CEP192: variants seen among roughly 807,000 people sequenced by gnomAD.
CEP192 encodes the protein centrosomal protein 192.
A neutral mutation model predicts 271.8 loss-of-function variants in CEP192; 151 were observed. The observed-to-expected ratio is 0.56, with a 90% CI of 0.49 to 0.64. The LOEUF (loss-of-function observed/expected upper bound fraction) is 0.64. Ranked by LOEUF, CEP192 falls within the 30% of genes least tolerant of loss-of-function variation. The pLI, the probability that CEP192 is intolerant of heterozygous loss-of-function variation, is 0.00. For missense variants in CEP192, 2,910 were observed against 3,020.5 expected, an observed-to-expected ratio of 0.96 and a Z score of 0.86; for synonymous variants, 995 against 1,076.5, an observed-to-expected ratio of 0.92 and a Z score of 1.48.
chr18:13,003,799 C>CA (rs112435017), intron 3 of CEP192, among the ~76,000 whole-genome samples: 1 of 152,034 alleles, frequency 6.6e-6, no homozygotes, highest in African/African-American at 2.4e-5. Flanking sequence ...GACCCTATCT[C>CA]AAAAAAAGGC....
chr18:13,048,856 T>C lies in CEP192; in HGVS notation c.2068-3T>C, dbSNP rs1420830679. On this transcript the variant is annotated splice_region_variant and splice_polypyrimidine_tract_variant and intron_variant, in intron 15 of 44. Transcript: ENST00000506447. The stretch of plus-strand genomic sequence containing the variant: ...ATCTGATGTTTAATTTTCTCACTTC[T>C]AGGACACTTTCTTCATGAGCAACAA... 6.3e-7 allele frequency: 1 copy of C among 1,583,118 alleles called. No individual in the cohort carries two copies. The highest frequency in any genetic ancestry group is 8.6e-7 in the Non-Finnish European group (1 of 1,160,212).
intron 5 of CEP192, among the ~76,000 whole-genome samples, chr18:13,013,834 G>T (rs548006751): frequency 4.6e-5 from 7 of 152,280 alleles, no homozygotes; most frequent in African/African-American, 1.7e-4. Context: ...TAAAAAGGAG[G>T]TACACCTTTT....
At position 13,095,912 on chromosome 18, in the gene CEP192, C is replaced by T. The variant is rs548478161; in HGVS notation, c.6433+231C>T. Among the ~76,000 whole-genome samples, 4 of 152,286 alleles carry T rather than the reference C, an allele frequency of 2.6e-5. No individual in the cohort carries two copies. The South Asian group carries it at 8.3e-4, about 32-fold the overall frequency. ...TCCCAGTTCTCCAATGGCAGAGCCA[C>T]ACCTCTGCCCACAGAGATACAGCAT... is the stretch of plus-strand genomic sequence containing the variant. On this transcript the variant is annotated intron_variant, in intron 35 of 44. Coordinates refer to ENST00000506447, the MANE Select transcript of CEP192 (RefSeq NM_032142.4).
rs933037972 is a variant in CEP192, at chr18:13,068,890, G to C, written c.4861G>C (p.Asp1621His). ...AGCAGAAGAATTCTCGGCAAAAGTT[G>C]ATATCGAAGTTGACAGCCCAAACCC... ...DSAEEFSAKV[D>H]IEVDSPNPTP... Residue 1621 changes from aspartate (D) to histidine (H), a missense_variant, in exon 25 of 45, where the codon GAT (aspartate) becomes CAT (histidine). Asp to His is a moderately conservative substitution (Grantham distance 81, BLOSUM62 -1). Coordinates refer to ENST00000506447, the MANE Select transcript of CEP192 (RefSeq NM_032142.4). 26 of 1,614,044 alleles carry C rather than the reference G, an allele frequency of 1.6e-5. No homozygotes were observed. The highest frequency in any genetic ancestry group is 2.1e-5 in the Non-Finnish European group (25 of 1,180,026).
Position 13,068,861 on chromosome 18 carries a change from A to G in CEP192, c.4832A>G (p.Asp1611Gly), listed in dbSNP as rs867417158. 5.0e-6 allele frequency: 8 copies of G among 1,614,162 alleles called. No individual in the cohort carries two copies. The highest frequency in any genetic ancestry group is 5.9e-6 in the Non-Finnish European group (7 of 1,180,014). ...KKQISSSDIL[D>G]SAEEFSAKVD... is the part of the protein sequence containing the mutation. ...ATGAACTTTTTTTTAGATATTCTGGACTCAGCAGAAGAATTCTCGGCAAAA... is the reference window on the plus strand; with the variant it reads ...ATGAACTTTTTTTTAGATATTCTGGGCTCAGCAGAAGAATTCTCGGCAAAA... The change falls in exon 25 of 45, where the codon GAC becomes GGC. Residue 1611 changes from aspartate to glycine, a missense_variant. Transcript: ENST00000506447.
chr18:13,012,081 T>C (rs1044637931), intron 4 of CEP192, among the ~76,000 whole-genome samples: 19 of 152,158 alleles, frequency 1.2e-4, no homozygotes, highest in African/African-American at 4.3e-4. Flanking sequence ...TGTTTATCCA[T>C]AGGGAAATCT....
intron 33 of CEP192, among the ~76,000 whole-genome samples, chr18:13,091,383 T>C (rs1291935426): frequency 1.3e-5 from 2 of 150,400 alleles, no homozygotes; most frequent in Admixed American, 6.6e-5. Flanking sequence ...CAAGGAATAC[T>C]ATATTCCTTG....
chr18:13,058,779 G>C (rs2037251980), intron 20 of CEP192: 1 of 365,126 alleles, frequency 2.7e-6, no homozygotes, highest in Non-Finnish European at 5.2e-6. Context: ...GACTTACAGG[G>C]CTGTGAAAGA....
intron 44 of CEP192, among the ~76,000 whole-genome samples, chr18:13,122,370 C>T (rs374919159): frequency 2.2e-4 from 33 of 152,012 alleles, no homozygotes; most frequent in Middle Eastern, 6.8e-3. Context: ...TGCAGTGAGC[C>T]GAGATCGTGC....
At chr18:13,124,246 C>T (rs1200816045) in intron 44 of CEP192, among the ~76,000 whole-genome samples, 1 of 152,144 alleles carries the variant, frequency 6.6e-6, no homozygotes, top group Admixed American at 6.5e-5. Flanking sequence ...TTAATCTTTC[C>T]AGTGCAATAT....
At chr18:13,082,781 A>C (rs534733538) in intron 30 of CEP192, among the ~76,000 whole-genome samples, 3 of 152,234 alleles carry the variant, frequency 2.0e-5, no homozygotes, top group African/African-American at 7.2e-5. Context: ...TTCCATGTTT[A>C]GTGCTTCCTT....
intron 17 of CEP192, among the ~76,000 whole-genome samples, chr18:13,051,680 A>T (rs1396385559): frequency 6.6e-6 from 1 of 152,032 alleles, no homozygotes; most frequent in Non-Finnish European, 1.5e-5. Context: ...AGTAGCTGGG[A>T]CTACAGGTGC....
intron 15 of CEP192, among the ~76,000 whole-genome samples, chr18:13,047,952 A>G (rs1162332902): frequency 3.3e-5 from 5 of 152,204 alleles, no homozygotes; most frequent in South Asian, 2.1e-4. Context: ...AAAACAAATG[A>G]TAATCAATTT....
chr18:13,079,664 G>A (rs968974940), intron 30 of CEP192, among the ~76,000 whole-genome samples: 4 of 152,034 alleles, frequency 2.6e-5, no homozygotes, highest in African/African-American at 9.7e-5. Context: ...GTCTATTTTG[G>A]CTTTTGTTGC....
At chr18:13,042,144 A>G in intron 14 of CEP192, 60 bp from the exon 15 acceptor site, 1 of 1,443,366 alleles carries the variant, frequency 6.9e-7, no homozygotes. Context: ...TCCTTATTCC[A>G]CAGACTGTGT....
intron 15 of CEP192, among the ~76,000 whole-genome samples, chr18:13,046,786 A>G (rs907862075): frequency 6.7e-6 from 1 of 148,212 alleles, no homozygotes; most frequent in African/African-American, 2.5e-5. Flanking sequence ...AGTATTTCTG[A>G]TCTTTCATCT....
intron 11 of CEP192, among the ~76,000 whole-genome samples, chr18:13,036,145 C>CAAA (rs55837148): frequency 3.0e-5 from 4 of 133,084 alleles, no homozygotes; most frequent in African/African-American, 1.1e-4. Flanking sequence ...GACCTTGTCT[C>CAAA]AAAAAAAAAA....
chr18:13,111,457 A>G (rs1347779235), intron 40 of CEP192, among the ~76,000 whole-genome samples: 1 of 152,150 alleles, frequency 6.6e-6, no homozygotes, highest in Non-Finnish European at 1.5e-5. Flanking sequence ...CATCACACTT[A>G]CCTAGTACCA....
intron 21 of CEP192, among the ~76,000 whole-genome samples, chr18:13,060,185 A>G (rs2037332886): frequency 6.6e-6 from 1 of 152,192 alleles, no homozygotes; most frequent in South Asian, 2.1e-4. Context: ...CTGCACGCCT[A>G]GACCTTATGG....
Sources: allele counts gnomAD v4.1 joint callset (sites outside exome capture counted in the v4.1 genomes callset), GRCh38; gene constraint gnomAD v4.1.1; transcripts MANE v1.5; gene names NCBI Gene and HGNC (gene_info 2026-07-23, HGNC 2026-07-21).